The following MSRA variants were observed in gnomAD, a reference collection of about 807,000 sequenced individuals.
The protein encoded by MSRA is mitochondrial peptide methionine sulfoxide reductase.
In MSRA, 54 loss-of-function variants were observed where a neutral mutation model predicts 31.3. That is an observed-to-expected ratio of 1.73 (90% CI 1.39 to 2.17). MSRA has a LOEUF of 2.17. Among genes scored for constraint, MSRA ranks in the 30% most tolerant of loss-of-function variants. MSRA has a pLI of 0.00. For missense variants in MSRA, 507 were observed against 300.9 expected (o/e 1.69, Z -5.07); for synonymous variants, 169 against 116.5 (o/e 1.45, Z -2.90).
At chr8:10,132,182 T>A (rs1430187211) in intron 1 of MSRA, among the ~76,000 whole-genome samples, 1 of 152,236 alleles carries the variant, frequency 6.6e-6, no homozygotes, top group Non-Finnish European at 1.5e-5. Context: ...TCCTGATCGT[T>A]CTGTAAATTG....
At chr8:10,221,984 A>G (rs1275103396) in intron 2 of MSRA, among the ~76,000 whole-genome samples, 1 of 152,074 alleles carries the variant, frequency 6.6e-6, no homozygotes. Context: ...CATGAAGGGC[A>G]ATTCACAGGT....
chr8:10,292,299 C>A (rs529331284), intron 3 of MSRA, among the ~76,000 whole-genome samples: 45 of 152,200 alleles, frequency 3.0e-4, no homozygotes, highest in Non-Finnish European at 5.1e-4. Flanking sequence ...AGCACGAGGG[C>A]TCCTCCGGCC....
At chr8:10,373,006 C>T (rs1805562975) in intron 5 of MSRA, among the ~76,000 whole-genome samples, 2 of 152,232 alleles carry the variant, frequency 1.3e-5, no homozygotes, top group African/African-American at 4.8e-5. Context: ...TCTCCTGCCT[C>T]AGCCTCCCAA....
At chr8:10,185,245 G>T (rs564425348) in intron 1 of MSRA, among the ~76,000 whole-genome samples, 2 of 152,168 alleles carry the variant, frequency 1.3e-5, no homozygotes. Context: ...TATGCATCAC[G>T]ACTGGGGCTT....
intron 1 of MSRA, among the ~76,000 whole-genome samples, chr8:10,196,857 C>T (rs1413685288): frequency 2.0e-5 from 3 of 152,128 alleles, no homozygotes; most frequent in African/African-American, 7.2e-5. Context: ...CAGGCATGAG[C>T]CACTGTACCT....
chr8:10,113,761 G>C (rs1448962773), intron 1 of MSRA, among the ~76,000 whole-genome samples: 1 of 150,944 alleles, frequency 6.6e-6, no homozygotes, highest in Non-Finnish European at 1.5e-5. Context: ...CCAGGTATTT[G>C]CATTTTTTTT....
chr8:10,126,431 T>G (rs1801501659), intron 1 of MSRA, among the ~76,000 whole-genome samples: 1 of 152,218 alleles, frequency 6.6e-6, no homozygotes, highest in Admixed American at 6.5e-5. Context: ...AAGACAGTTT[T>G]TCCACAGACT....
chr8:10,283,802 C>CTCAT (rs1204939696), intron 3 of MSRA, among the ~76,000 whole-genome samples: 1 of 46,164 alleles, frequency 2.2e-5, no homozygotes, highest in African/African-American at 1.1e-4. Flanking sequence ...TATTCTATCT[C>CTCAT]ATATATATAT....
intron 4 of MSRA, among the ~76,000 whole-genome samples, chr8:10,318,348 G>A (rs967883992): frequency 1.7e-4 from 26 of 152,142 alleles, no homozygotes; most frequent in East Asian, 7.7e-4. Context: ...CTCGCACAGG[G>A]AAGTACAGTG....
intron 5 of MSRA, among the ~76,000 whole-genome samples, chr8:10,427,080 C>A (rs62493489): frequency 0.11 from 17,481 of 152,148 alleles, 1,351 homozygotes; most frequent in East Asian, 0.23. Flanking sequence ...ATATTGGATG[C>A]ACTGTGCTTG....
At chr8:10,264,886 G>C (rs1352543218) in intron 3 of MSRA, among the ~76,000 whole-genome samples, 1 of 152,150 alleles carries the variant, frequency 6.6e-6, no homozygotes. Context: ...ATCGCAGGGT[G>C]GGGGTCAGGT....
chr8:10,101,778 CA>C, intron 1 of MSRA, among the ~76,000 whole-genome samples: 1 of 152,174 alleles, frequency 6.6e-6, no homozygotes, highest in Non-Finnish European at 1.5e-5. Context: ...TTTCTTTCTC[CA>C]TTCATCTGCC....
At chr8:10,402,664 G>A (rs1390612969) in intron 5 of MSRA, among the ~76,000 whole-genome samples, 2 of 152,164 alleles carry the variant, frequency 1.3e-5, no homozygotes, top group East Asian at 3.9e-4. Context: ...AAACTGTCCC[G>A]ACACAGAGAC....
intron 1 of MSRA, among the ~76,000 whole-genome samples, chr8:10,146,359 C>T (rs1038783788): frequency 2.0e-5 from 3 of 152,144 alleles, no homozygotes; most frequent in African/African-American, 4.8e-5. Flanking sequence ...AAGACATCCC[C>T]AGAAGGGTGA....
At chr8:10,374,465 A>G (rs895314262) in intron 5 of MSRA, among the ~76,000 whole-genome samples, 3 of 152,318 alleles carry the variant, frequency 2.0e-5, no homozygotes, top group Non-Finnish European at 4.4e-5. Context: ...CAAGAACACT[A>G]TGAGGAAGGT....
At chr8:10,277,824 C>T (rs1033153774) in intron 3 of MSRA, among the ~76,000 whole-genome samples, 1 of 133,102 alleles carries the variant, frequency 7.5e-6, no homozygotes. Flanking sequence ...TGATTTAGCC[C>T]TTCAACAATG....
chr8:10,077,060 AAG>A (rs10657839), intron 1 of MSRA, among the ~76,000 whole-genome samples: 57 of 151,880 alleles, frequency 3.8e-4, no homozygotes, highest in Non-Finnish European at 6.8e-4. Context: ...AAAAAAAAAA[AAG>A]AGCAGAGGAC....
intron 1 of MSRA, among the ~76,000 whole-genome samples, chr8:10,087,099 G>A (rs1798599286): frequency 6.6e-6 from 1 of 152,132 alleles, no homozygotes; most frequent in Non-Finnish European, 1.5e-5. Context: ...TGTAAAGCAT[G>A]GTTGTGTTTG....
At chr8:10,117,758 C>G (rs1489935232) in intron 1 of MSRA, among the ~76,000 whole-genome samples, 1 of 152,102 alleles carries the variant, frequency 6.6e-6, no homozygotes, top group Non-Finnish European at 1.5e-5. Context: ...TTTTAATTTT[C>G]AAGAACTTGG....
Sources: allele counts gnomAD v4.1 joint callset (sites outside exome capture counted in the v4.1 genomes callset), GRCh38; gene constraint gnomAD v4.1.1; transcripts MANE v1.5; gene names NCBI Gene and HGNC (gene_info 2026-07-23, HGNC 2026-07-21).